Variants in RTN1 observed in about 807,000 individuals in gnomAD.
RTN1 encodes reticulon-1.
In RTN1, 25 loss-of-function variants were observed where a neutral mutation model predicts 65.5. That is an observed-to-expected ratio of 0.38 (90% confidence interval 0.28 to 0.53). RTN1 has a LOEUF of 0.53. RTN1 is among the 20% of genes least tolerant of loss of function. The pLI is 0.79. For synonymous variants in RTN1, 471 were observed against 447.6 expected (o/e 1.05, Z -0.66); for missense variants, 983 against 1,025.4 (o/e 0.96, Z 0.57).
chr14:59,663,646 A>AAC (rs1555354196), intron 3 of RTN1, among the ~76,000 whole-genome samples: 47 of 151,518 alleles, frequency 3.1e-4, no homozygotes, highest in Admixed American at 5.9e-4. Context: ...GAAAAAAAAA[A>AAC]CCATCAAAAA....
At chr14:59,659,893 T>C (rs925973984) in intron 3 of RTN1, among the ~76,000 whole-genome samples, 1 of 151,990 alleles carries the variant, frequency 6.6e-6, no homozygotes, top group African/African-American at 2.4e-5. Context: ...TATAACAATA[T>C]TAACCTTAAA....
chr14:59,776,286 T>A (rs989529783), intron 1 of RTN1, among the ~76,000 whole-genome samples: 2 of 152,082 alleles, frequency 1.3e-5, no homozygotes, highest in Non-Finnish European at 1.5e-5. Flanking sequence ...ATGAGGGCCA[T>A]GCCTTCATGA....
Position 59,732,307 on chromosome 14 carries a change from T to A in RTN1, c.1016-4639A>T, listed in dbSNP as rs543110786. ...AAAGTTAATCCTGAAGAAGTAGGTA[T>A]ATGGAGCGGCCAAGATGGCCGAATA... is the stretch of plus-strand genomic sequence containing the variant. On this transcript the variant is annotated intron_variant, in intron 2 of 8. Transcript: ENST00000267484. 1.6e-4 allele frequency among the ~76,000 whole-genome samples: 24 copies of A among 152,284 alleles called. No homozygotes were observed. The South Asian group carries it at 4.8e-3, about 30-fold the overall frequency.
chr14:59,858,501 T>C (rs1887649855), intron 1 of RTN1, among the ~76,000 whole-genome samples: 1 of 152,016 alleles, frequency 6.6e-6, no homozygotes, highest in South Asian at 2.1e-4. Context: ...AGCCAAAGAT[T>C]TGCTATGCAT....
chr14:59,766,211 C>T lies in RTN1; in HGVS notation c.242-19730G>A, dbSNP rs1260979399. ...TGCCAATGCACTCCAGCCTGGGTGA[C>T]AGAGTGAGACGCTGTCAAAAAAAAA... is the stretch of plus-strand genomic sequence containing the variant. On this transcript the variant is annotated intron_variant, in intron 1 of 8. Transcript: ENST00000267484. The surrounding 1 kb of genome is among the most constrained non-coding windows in gnomAD (Gnocchi z 4.4). Among the ~76,000 whole-genome samples, 2 of 145,278 alleles carry T rather than the reference C, an allele frequency of 1.4e-5. No homozygotes were observed. The highest frequency in any genetic ancestry group is 5.3e-5 in the African/African-American group (2 of 37,792).
In RTN1 at chr14:59,633,655, A is replaced by G. The variant is rs1416403913; in HGVS notation, c.1766-26163T>C. On this transcript the variant is annotated intron_variant, in intron 3 of 8. Transcript: ENST00000267484. ...TTGCTAAAAGTAGGCAGGAACTGCCACTATCTTTAAACCAGTAGAGAACAG... is the reference window on the plus strand; with the variant it reads ...TTGCTAAAAGTAGGCAGGAACTGCCGCTATCTTTAAACCAGTAGAGAACAG... Among the ~76,000 whole-genome samples, 8 of 152,260 alleles carry G rather than the reference A, an allele frequency of 5.3e-5. No individual in the cohort carries two copies. In the East Asian group the frequency reaches 1.5e-3, roughly 29 times the overall value.
chr14:59,767,925 G>A (rs2139556715), intron 1 of RTN1, among the ~76,000 whole-genome samples: 1 of 152,266 alleles, frequency 6.6e-6, no homozygotes, highest in Non-Finnish European at 1.5e-5. Flanking sequence ...ACATACATCA[G>A]TTAACCAGCC....
chr14:59,837,659 A>T (rs902055946), intron 1 of RTN1, among the ~76,000 whole-genome samples: 2 of 151,934 alleles, frequency 1.3e-5, no homozygotes, highest in African/African-American at 2.4e-5. Context: ...AATAAACATT[A>T]AAAAAAACTG....
At chr14:59,736,483 T>C (rs897428474) in intron 2 of RTN1, among the ~76,000 whole-genome samples, 32 of 151,970 alleles carry the variant, frequency 2.1e-4, no homozygotes, top group Non-Finnish European at 4.3e-4. Flanking sequence ...AGGAAGAAAC[T>C]GAATCCCTAA....
intron 1 of RTN1, among the ~76,000 whole-genome samples, chr14:59,848,510 T>G (rs1330849899): frequency 6.6e-6 from 1 of 152,178 alleles, no homozygotes; most frequent in Admixed American, 6.5e-5. Context: ...CATATGAAGG[T>G]TTTTGCTGAT....
intron 1 of RTN1, among the ~76,000 whole-genome samples, chr14:59,847,718 T>C (rs1023691648): frequency 6.6e-6 from 1 of 152,228 alleles, no homozygotes; most frequent in Non-Finnish European, 1.5e-5. Context: ...ATATGCCTCC[T>C]TCTAAACCTC....
chr14:59,849,561 T>TTCAGCCCACAGGCCTGAC lies in RTN1; in HGVS notation c.241+20811_241+20828dup, dbSNP rs1164985553. Reference sequence around the variant, plus strand: ...AATCCCCATACTGAGGAAGGAACATTTCAGCCCACAGGCCTGACTCAGCCC... The same window carrying TTCAGCCCACAGGCCTGAC: ...AATCCCCATACTGAGGAAGGAACATTTCAGCCCACAGGCCTGACTCAGCCCACAGGCCTGACTCAGCCC... On this transcript the variant is annotated intron_variant, in intron 1 of 8. Transcript: ENST00000267484. This position sits in a 1 kb window ranked among gnomAD's most constrained non-coding sequence, Gnocchi z 4.5. Among the ~76,000 whole-genome samples, 1 of 152,134 alleles carries TTCAGCCCACAGGCCTGAC rather than the reference T, an allele frequency of 6.6e-6. No individual in the cohort carries two copies. Among genetic ancestry groups the TTCAGCCCACAGGCCTGAC allele is most frequent in the Admixed American group, 6.5e-5 (1 of 15,272 alleles).
chr14:59,635,599 T>A (rs1360547829), intron 3 of RTN1, among the ~76,000 whole-genome samples: 2 of 152,228 alleles, frequency 1.3e-5, no homozygotes, highest in African/African-American at 2.4e-5. Context: ...AAGTACCAGC[T>A]GTAGACTTTG....
At chr14:59,798,144 A>C (rs575630608) in intron 1 of RTN1, among the ~76,000 whole-genome samples, 80 of 152,314 alleles carry the variant, frequency 5.3e-4, no homozygotes, top group African/African-American at 1.9e-3. Flanking sequence ...GATGTGTCTG[A>C]ATTTTTCAAA....
chr14:59,798,003 T>C (rs757738436), intron 1 of RTN1, among the ~76,000 whole-genome samples: 1 of 152,186 alleles, frequency 6.6e-6, no homozygotes, highest in Non-Finnish European at 1.5e-5. Context: ...TTAGCAGATA[T>C]AGATTCATAA....
At chr14:59,749,315 T>G (rs1448725557) in intron 1 of RTN1, among the ~76,000 whole-genome samples, 1 of 61,020 alleles carries the variant, frequency 1.6e-5, no homozygotes, top group Admixed American at 2.5e-4. Flanking sequence ...TATCTATATA[T>G]ATATCTATAT....
intron 1 of RTN1, among the ~76,000 whole-genome samples, chr14:59,851,610 A>G (rs556849900): frequency 6.6e-6 from 1 of 152,302 alleles, no homozygotes; most frequent in South Asian, 2.1e-4. Context: ...CTGTAATCCC[A>G]GCACTTTGGG....
chr14:59,681,008 C>T (rs1166227525), intron 3 of RTN1, among the ~76,000 whole-genome samples: 1 of 151,952 alleles, frequency 6.6e-6, no homozygotes, highest in African/African-American at 2.4e-5. Flanking sequence ...GAAATTTTGA[C>T]AGTGGTGGTT....
chr14:59,845,644 T>G (rs1887394712), intron 1 of RTN1, among the ~76,000 whole-genome samples: 1 of 152,202 alleles, frequency 6.6e-6, no homozygotes, highest in African/African-American at 2.4e-5. Flanking sequence ...GAGAATAAAA[T>G]CTAAAGTTCC....
Sources: gnomAD v4.1 joint callset for allele counts (sites outside exome capture counted in the v4.1 genomes callset) on GRCh38, gnomAD v4.1.1 for gene constraint, Gnocchi (gnomAD v3.1) non-coding constraint, MANE v1.5 for transcripts, NCBI Gene and HGNC (gene_info 2026-07-23, HGNC 2026-07-21) for gene names.